The following MLIP variants were observed in gnomAD, a reference collection of about 807,000 sequenced individuals.
The protein encoded by MLIP is muscular LMNA interacting protein, also known as muscular LMNA-interacting protein.
Under a neutral mutation model 84.8 loss-of-function variants are expected in MLIP, and 79 were observed. The observed-to-expected ratio is 0.93, with a 90% CI of 0.78 to 1.12. The LOEUF (loss-of-function observed/expected upper bound fraction) is 1.12, where lower values mean the gene tolerates loss of function less well. Among genes scored for constraint, MLIP ranks in the 50% most tolerant of loss-of-function variants. MLIP has a pLI of 0.00. For missense variants in MLIP, 1,257 were observed against 1,160.6 expected (o/e 1.08, Z -1.21); for synonymous variants, 504 against 463.0 (o/e 1.09, Z -1.14).
At chr6:54,251,510 A>C (rs539135160) in intron 12 of MLIP, among the ~76,000 whole-genome samples, 1 of 116,704 alleles carries the variant, frequency 8.6e-6, no homozygotes, top group African/African-American at 4.2e-5. Flanking sequence ...ATAATCAGGA[A>C]TATATAGGTA....
chr6:54,221,780 T>A (rs1284521636), intron 11 of MLIP, among the ~76,000 whole-genome samples: 1 of 152,060 alleles, frequency 6.6e-6, no homozygotes, highest in Non-Finnish European at 1.5e-5. Context: ...ATTCAGACTC[T>A]ATCCTGCAAA....
In MLIP at chr6:54,138,234, T is replaced by C. The variant is rs751597386; in HGVS notation, c.2165T>C (p.Ile722Thr). ...PISLTRTEEL[I>T]SPCALSMSTG... ...TCTCTAACAAGGACAGAGGAGCTGA[T>C]TTCACCTTGTGCATTGTCCATGTCA... The change falls in exon 4 of 14, where the codon ATT becomes ACT. Residue 722 changes from isoleucine to threonine, a missense_variant. Physicochemically the swap from Ile to Thr is moderately conservative, Grantham distance 89. Coordinates refer to ENST00000502396, the MANE Select transcript of MLIP (RefSeq NM_001281747.2). 5.9e-6 allele frequency: 9 copies of C among 1,535,984 alleles called. No homozygotes were observed. In the South Asian group the frequency reaches 1.1e-4, roughly 18 times the overall value.
intron 11 of MLIP, among the ~76,000 whole-genome samples, chr6:54,218,500 GA>G (rs2150763813): frequency 6.6e-6 from 1 of 152,136 alleles, no homozygotes; most frequent in African/African-American, 2.4e-5. Context: ...TAGACTTTAG[GA>G]ACACTTAGAC....
intron 13 of MLIP, among the ~76,000 whole-genome samples, chr6:54,260,610 A>T (rs904481767): frequency 2.0e-5 from 3 of 152,094 alleles, no homozygotes; most frequent in African/African-American, 7.2e-5. Context: ...AAGTAGGAGG[A>T]TCATGAAAGA....
intron 9 of MLIP, among the ~76,000 whole-genome samples, chr6:54,178,021 G>A (rs1453572145): frequency 6.6e-6 from 1 of 152,024 alleles, no homozygotes; most frequent in Non-Finnish European, 1.5e-5. Context: ...GGGCAGGGTG[G>A]AGGGGAACAA....
intron 12 of MLIP, among the ~76,000 whole-genome samples, chr6:54,237,167 A>G (rs945425553): frequency 5.3e-5 from 8 of 151,776 alleles, no homozygotes. Flanking sequence ...GAGGAGAGGC[A>G]TCTGGTAAAG....
chr6:54,256,705 A>G (rs1783028301), intron 12 of MLIP, among the ~76,000 whole-genome samples: 1 of 152,134 alleles, frequency 6.6e-6, no homozygotes, highest in Non-Finnish European at 1.5e-5. Flanking sequence ...CCACATAACA[A>G]AAGACCTTCT....
chr6:54,123,589 A>G (rs540914032), intron 2 of MLIP, among the ~76,000 whole-genome samples: 2 of 152,338 alleles, frequency 1.3e-5, no homozygotes, highest in Non-Finnish European at 2.9e-5. Context: ...CACACAGTAC[A>G]CATTAAATTG....
intron 1 of MLIP, among the ~76,000 whole-genome samples, chr6:54,048,242 G>A (rs779334880): frequency 6.6e-6 from 1 of 152,202 alleles, no homozygotes; most frequent in African/African-American, 2.4e-5. Context: ...TTTGAGGCTA[G>A]GGTTCTGGAA....
intron 1 of MLIP, among the ~76,000 whole-genome samples, chr6:54,079,307 AT>A (rs1298800796): frequency 6.6e-6 from 1 of 152,150 alleles, no homozygotes; most frequent in Non-Finnish European, 1.5e-5. Context: ...GCTGGGTGAG[AT>A]TTGGCTTAAG....
At chr6:54,230,190 T>C (rs1780887112) in intron 11 of MLIP, among the ~76,000 whole-genome samples, 1 of 152,188 alleles carries the variant, frequency 6.6e-6, no homozygotes, top group African/African-American at 2.4e-5. Context: ...CCCTGATTCC[T>C]TATCCATGAC....
intron 1 of MLIP, among the ~76,000 whole-genome samples, chr6:54,058,552 T>C (rs150252106): frequency 1.7e-4 from 26 of 152,348 alleles, no homozygotes; most frequent in African/African-American, 6.3e-4. Flanking sequence ...GGAAAGGCAG[T>C]CTTTAAACAA....
chr6:54,140,854 T>A (rs1772234861), intron 4 of MLIP, among the ~76,000 whole-genome samples: 1 of 152,154 alleles, frequency 6.6e-6, no homozygotes, highest in Non-Finnish European at 1.5e-5. Flanking sequence ...ACAAATGCTG[T>A]GTGATATTGA....
At chr6:54,107,750 A>G (rs1769122079), upstream of MLIP, among the ~76,000 whole-genome samples, 1 of 152,206 alleles carries the variant, frequency 6.6e-6, no homozygotes, top group African/African-American at 2.4e-5. Flanking sequence ...TGCTGAGAAC[A>G]GGTTCCAAGC....
rs553759557 is a variant in MLIP at position 54,241,422 on chromosome 6, C to T, written c.2922+10505C>T. Among the ~76,000 whole-genome samples, 21 of 151,820 alleles carry T rather than the reference C, an allele frequency of 1.4e-4. No homozygotes were observed. The South Asian group carries it at 4.2e-3, about 30-fold the overall frequency. On this transcript the variant is annotated intron_variant, in intron 12 of 13. Transcript: ENST00000502396. The stretch of plus-strand genomic sequence containing the variant: ...TTTAGCTGTTAATCAAAATTGTCCC[C>T]ATGTGCTTGTAATGTTTACAATTGG...
intron 12 of MLIP, among the ~76,000 whole-genome samples, chr6:54,249,230 C>A (rs957370160): frequency 3.3e-5 from 5 of 152,040 alleles, no homozygotes; most frequent in Middle Eastern, 6.8e-3. Context: ...CTATTTAGGG[C>A]CCAGACTTTA....
intron 12 of MLIP, among the ~76,000 whole-genome samples, chr6:54,254,196 G>A (rs1012657828): frequency 1.3e-5 from 2 of 149,084 alleles, no homozygotes; most frequent in Non-Finnish European, 1.5e-5. Context: ...GCGTGATCTT[G>A]GCTCACTGCA....
chr6:54,211,369 G>A (rs1018462118), intron 11 of MLIP, among the ~76,000 whole-genome samples: 4 of 152,094 alleles, frequency 2.6e-5, no homozygotes, highest in African/African-American at 9.7e-5. Flanking sequence ...CTTAAGCTTA[G>A]GTCTCCATGA....
intron 5 of MLIP, among the ~76,000 whole-genome samples, chr6:54,156,304 C>T (rs1380795927): frequency 6.6e-6 from 1 of 151,992 alleles, no homozygotes; most frequent in Admixed American, 6.6e-5. Flanking sequence ...AAAAATACAG[C>T]CTGAGTATTT....
Sources: gnomAD v4.1 joint callset for allele counts (sites outside exome capture counted in the v4.1 genomes callset) on GRCh38, gnomAD v4.1.1 for gene constraint, MANE v1.5 for transcripts, NCBI Gene and HGNC (gene_info 2026-07-23, HGNC 2026-07-21) for gene names.